The following ASTN2 variants were observed in gnomAD, a reference collection of about 807,000 sequenced individuals.
ASTN2 encodes astrotactin 2.
A neutral mutation model predicts 139.8 loss-of-function variants in ASTN2; 54 were observed. The observed-to-expected ratio is 0.39, with a 90% CI of 0.31 to 0.48. The LOEUF (loss-of-function observed/expected upper bound fraction) is 0.48, where lower values mean the gene tolerates loss of function less well. Ranked by LOEUF, ASTN2 falls within the 20% of genes least tolerant of loss-of-function variation. The pLI is 0.95. For missense variants in ASTN2, 1,565 were observed against 1,725.1 expected (o/e 0.91, Z 1.64); for synonymous variants, 756 against 719.5 (o/e 1.05, Z -0.81).
At chr9:117,188,991 A>T (rs539917313) in intron 3 of ASTN2, among the ~76,000 whole-genome samples, 4 of 152,134 alleles carry the variant, frequency 2.6e-5, no homozygotes, top group Non-Finnish European at 5.9e-5. Context: ...CATTCTCACC[A>T]GGACTTCATA....
intron 11 of ASTN2, among the ~76,000 whole-genome samples, chr9:116,834,245 C>T (rs1831915577): frequency 1.3e-5 from 2 of 152,260 alleles, no homozygotes; most frequent in South Asian, 2.1e-4. Context: ...CCTGTAGGCA[C>T]TTGAAAATAA....
intron 2 of ASTN2, among the ~76,000 whole-genome samples, chr9:117,262,822 C>T (rs746337684): frequency 1.5e-4 from 23 of 152,144 alleles, no homozygotes; most frequent in East Asian, 3.9e-4. Flanking sequence ...AAAAGAGGGG[C>T]GCAGAAGAGA....
At chr9:116,430,530 A>G (rs746477986) in intron 22 of ASTN2, among the ~76,000 whole-genome samples, 3 of 152,244 alleles carry the variant, frequency 2.0e-5, no homozygotes, top group Admixed American at 6.5e-5. Context: ...AGTAAGTGTC[A>G]GCAATGATTC....
At chr9:116,622,774 A>T (rs1856228603) in intron 17 of ASTN2, among the ~76,000 whole-genome samples, 1 of 152,240 alleles carries the variant, frequency 6.6e-6, no homozygotes, top group Non-Finnish European at 1.5e-5. Context: ...TTCATAAACT[A>T]TTTGCATATA....
chr9:116,458,174 G>A (rs537773325), intron 20 of ASTN2, among the ~76,000 whole-genome samples: 46 of 151,750 alleles, frequency 3.0e-4, no homozygotes, highest in African/African-American at 8.0e-4. Context: ...TGAACTAATC[G>A]AGCTAGAGGA....
intron 7 of ASTN2, among the ~76,000 whole-genome samples, chr9:116,988,332 T>G (rs1031474181): frequency 6.6e-6 from 1 of 152,194 alleles, no homozygotes; most frequent in Non-Finnish European, 1.5e-5. Context: ...TTGAGCAACA[T>G]GAAAAATGGG....
intron 16 of ASTN2, among the ~76,000 whole-genome samples, chr9:116,685,782 T>G (rs1327803525): frequency 1.4e-5 from 2 of 147,644 alleles, no homozygotes; most frequent in Non-Finnish European, 3.0e-5. Flanking sequence ...AGAAGAGAGA[T>G]TTTTTTTTTT....
chr9:117,174,405 C>A (rs1265612743), intron 3 of ASTN2, among the ~76,000 whole-genome samples: 1 of 151,754 alleles, frequency 6.6e-6, no homozygotes, highest in African/African-American at 2.4e-5. Context: ...AATATTTGAA[C>A]CAATAGTCAG....
At chr9:116,616,657 G>A (rs1376955142) in intron 19 of ASTN2, among the ~76,000 whole-genome samples, 2 of 152,156 alleles carry the variant, frequency 1.3e-5, no homozygotes, top group Non-Finnish European at 2.9e-5. Flanking sequence ...CTATGGAGAT[G>A]TGATAGAGAT....
intron 19 of ASTN2, among the ~76,000 whole-genome samples, chr9:116,501,353 T>C (rs1192958268): frequency 1.3e-5 from 2 of 152,234 alleles, no homozygotes; most frequent in Non-Finnish European, 2.9e-5. Context: ...ATTTTCTTAA[T>C]CCAGTCTATC....
intron 2 of ASTN2, among the ~76,000 whole-genome samples, chr9:117,281,089 A>G (rs1359761038): frequency 6.6e-6 from 1 of 152,168 alleles, no homozygotes; most frequent in Non-Finnish European, 1.5e-5. Flanking sequence ...TAACCTCCCA[A>G]CATAGCTCAA....
At chr9:116,881,075 T>C (rs1008799452) in intron 10 of ASTN2, among the ~76,000 whole-genome samples, 2 of 151,736 alleles carry the variant, frequency 1.3e-5, no homozygotes, top group Non-Finnish European at 2.9e-5. Context: ...AGGAAGAAAA[T>C]AGAAAGACAG....
At chr9:116,874,255 A>G (rs1010766502) in intron 10 of ASTN2, among the ~76,000 whole-genome samples, 1 of 150,986 alleles carries the variant, frequency 6.6e-6, no homozygotes, top group Non-Finnish European at 1.5e-5. Context: ...TCCTCTAGCA[A>G]TTATGGTTTG....
chr9:117,267,938 T>C (rs968421062), intron 2 of ASTN2, among the ~76,000 whole-genome samples: 2 of 152,210 alleles, frequency 1.3e-5, no homozygotes, highest in African/African-American at 4.8e-5. Context: ...CAGACCCACT[T>C]TGTTGTTACA....
At chr9:117,223,516 G>A (rs55713899) in intron 2 of ASTN2, among the ~76,000 whole-genome samples, 7,438 of 152,156 alleles carry the variant, frequency 0.049, 219 homozygotes, top group South Asian at 0.12. Context: ...GGTGGGGAAG[G>A]GGGTGTCAAC....
chr9:116,837,044 A>T (rs1832020885), intron 11 of ASTN2, among the ~76,000 whole-genome samples: 1 of 152,146 alleles, frequency 6.6e-6, no homozygotes, highest in African/African-American at 2.4e-5. Flanking sequence ...TGCAACTGGA[A>T]GGCATAGGAG....
intron 19 of ASTN2, among the ~76,000 whole-genome samples, chr9:116,518,169 T>A (rs1850726675): frequency 6.6e-6 from 1 of 152,126 alleles, no homozygotes; most frequent in African/African-American, 2.4e-5. Flanking sequence ...ACCTGGGAAA[T>A]TCATTGCAAA....
intron 16 of ASTN2, among the ~76,000 whole-genome samples, chr9:116,680,835 A>G (rs1255102382): frequency 3.9e-5 from 6 of 152,212 alleles, no homozygotes; most frequent in African/African-American, 1.2e-4. Context: ...CCTTCATGCT[A>G]AAAACTCTCA....
At chr9:117,161,986 C>G (rs1189242177) in intron 3 of ASTN2, among the ~76,000 whole-genome samples, 7 of 151,656 alleles carry the variant, frequency 4.6e-5, no homozygotes, top group African/African-American at 1.7e-4. Flanking sequence ...GATAAAGAAA[C>G]AGAGACTCAA....
Sources: allele counts gnomAD v4.1 joint callset (sites outside exome capture counted in the v4.1 genomes callset), GRCh38; gene constraint gnomAD v4.1.1; transcripts MANE v1.5; gene names NCBI Gene and HGNC (gene_info 2026-07-23, HGNC 2026-07-21).